Variants in RBFOX1 observed in about 807,000 individuals in gnomAD.
RBFOX1 encodes RNA binding fox-1 homolog 1.
RBFOX1 carries 8 observed loss-of-function variants against 57.7 expected under a neutral mutation model. The ratio of observed to expected loss-of-function variants is 0.14; its 90% CI spans 0.08 to 0.25. The LOEUF is 0.25. RBFOX1 is among the 10% of genes least tolerant of loss of function. RBFOX1 has a pLI of 1.00. For synonymous variants in RBFOX1, 326 were observed against 222.4 expected, an observed-to-expected ratio of 1.47 and a Z score of -4.15; for missense variants, 611 against 548.5, an observed-to-expected ratio of 1.11 and a Z score of -1.14.
chr16:6,929,464 C>T (rs930606559), intron 3 of RBFOX1, among the ~76,000 whole-genome samples: 1 of 152,128 alleles, frequency 6.6e-6, no homozygotes, highest in East Asian at 1.9e-4. Flanking sequence ...GCGTGCTTTT[C>T]TGTATTCTAA....
At chr16:5,473,398 C>G (rs1275485014) in intron 2 of RBFOX1, among the ~76,000 whole-genome samples, 3 of 151,464 alleles carry the variant, frequency 2.0e-5, no homozygotes, top group African/African-American at 7.3e-5. Flanking sequence ...TGTACTTACC[C>G]TGTTTTTTTT....
intron 4 of RBFOX1, among the ~76,000 whole-genome samples, chr16:6,009,611 G>C (rs962662695): frequency 5.9e-5 from 9 of 152,054 alleles, no homozygotes; most frequent in African/African-American, 2.2e-4. Flanking sequence ...GAGAGCTTGA[G>C]AGCACAGCAA....
At chr16:5,794,062 A>G (rs2054794451) in intron 3 of RBFOX1, among the ~76,000 whole-genome samples, 1 of 152,182 alleles carries the variant, frequency 6.6e-6, no homozygotes, top group Admixed American at 6.5e-5. Flanking sequence ...TAAGGGAATG[A>G]GCATTTGGAG....
chr16:7,019,407 TGG>T (rs762118668), intron 3 of RBFOX1, among the ~76,000 whole-genome samples: 2 of 152,084 alleles, frequency 1.3e-5, no homozygotes, highest in South Asian at 4.1e-4. Flanking sequence ...TTTGTGTGAG[TGG>T]GAGAGAGAGA....
chr16:6,498,759 A>T (rs969460724), intron 2 of RBFOX1, among the ~76,000 whole-genome samples: 3 of 152,238 alleles, frequency 2.0e-5, no homozygotes, highest in Admixed American at 6.5e-5. Context: ...TATCTATAAT[A>T]ATTGGATAAT....
At chr16:5,654,861 C>G (rs1301717298) in intron 3 of RBFOX1, among the ~76,000 whole-genome samples, 1 of 151,962 alleles carries the variant, frequency 6.6e-6, no homozygotes, top group Admixed American at 6.6e-5. Flanking sequence ...TTGTATTCCC[C>G]CCTTTATTTG....
chr16:7,122,686 C>G (rs952143794), intron 4 of RBFOX1, among the ~76,000 whole-genome samples: 1 of 152,174 alleles, frequency 6.6e-6, no homozygotes, highest in African/African-American at 2.4e-5. Flanking sequence ...TAAGTATATG[C>G]TTATCATAGA....
intron 3 of RBFOX1, among the ~76,000 whole-genome samples, chr16:5,861,324 T>C (rs1226548087): frequency 6.6e-6 from 1 of 152,152 alleles, no homozygotes; most frequent in Non-Finnish European, 1.5e-5. Flanking sequence ...CTCTAGACAA[T>C]TGAATGTGAG....
intron 4 of RBFOX1, among the ~76,000 whole-genome samples, chr16:5,958,867 C>T (rs1294666211): frequency 3.3e-5 from 5 of 152,166 alleles, no homozygotes; most frequent in Non-Finnish European, 7.3e-5. Flanking sequence ...TGGCTACCTC[C>T]TCTGGGGACC....
intron 4 of RBFOX1, among the ~76,000 whole-genome samples, chr16:7,294,922 T>A (rs924089411): frequency 4.6e-5 from 7 of 152,196 alleles, no homozygotes; most frequent in Admixed American, 1.3e-4. Flanking sequence ...ATTAGAAGGA[T>A]AAGATAGATA....
intron 2 of RBFOX1, among the ~76,000 whole-genome samples, chr16:6,478,421 A>ATTTT (rs2095314167): frequency 8.0e-5 from 1 of 12,444 alleles, no homozygotes; most frequent in Non-Finnish European, 1.6e-4. Context: ...ATATATATAT[A>ATTTT]TATATATATT....
intron 2 of RBFOX1, among the ~76,000 whole-genome samples, chr16:5,524,544 C>CT (rs35257382): frequency 0.044 from 6,105 of 139,914 alleles, 463 homozygotes; most frequent in African/African-American, 0.15. Flanking sequence ...GTAGTAGTTG[C>CT]TTTTTTTTTT....
intron 4 of RBFOX1, among the ~76,000 whole-genome samples, chr16:7,072,836 A>G (rs886673317): frequency 5.9e-5 from 9 of 152,196 alleles, no homozygotes; most frequent in Non-Finnish European, 1.3e-4. Context: ...CCTGGGAGGA[A>G]CGTCTTGAAC....
intron 2 of RBFOX1, among the ~76,000 whole-genome samples, chr16:5,561,532 A>G (rs1219662098): frequency 6.6e-6 from 1 of 152,184 alleles, no homozygotes; most frequent in Non-Finnish European, 1.5e-5. Context: ...GAAAATGTAC[A>G]AAAGAAAGCC....
chr16:5,880,886 T>C (rs898516253), intron 4 of RBFOX1, among the ~76,000 whole-genome samples: 1 of 152,248 alleles, frequency 6.6e-6, no homozygotes, highest in African/African-American at 2.4e-5. Context: ...TGTTAACACA[T>C]TGAACAAGCA....
intron 1 of RBFOX1, among the ~76,000 whole-genome samples, chr16:5,348,142 C>G (rs181670048): frequency 2.7e-3 from 402 of 151,454 alleles, no homozygotes; most frequent in Admixed American, 4.5e-3. Flanking sequence ...ATCCATCCAC[C>G]CATGTATCCA....
intron 3 of RBFOX1, among the ~76,000 whole-genome samples, chr16:6,995,269 G>C (rs2092078669): frequency 7.0e-6 from 1 of 143,342 alleles, no homozygotes; most frequent in Non-Finnish European, 1.5e-5. Context: ...ATTACAAAAT[G>C]ACTATGATCT....
chr16:5,976,647 T>A (rs543925443), intron 4 of RBFOX1, among the ~76,000 whole-genome samples: 1 of 152,222 alleles, frequency 6.6e-6, no homozygotes, highest in South Asian at 2.1e-4. Context: ...GGTAGACAGA[T>A]TACTTGAGGT....
chr16:5,454,958 C>CTTTCTTTCTTTCTTTCTTTCTTT (rs1567535928), intron 1 of RBFOX1, among the ~76,000 whole-genome samples: 1 of 30,384 alleles, frequency 3.3e-5, no homozygotes, highest in Non-Finnish European at 5.9e-5. Flanking sequence ...TTCCTTCCTT[C>CTTTCTTTCTTTCTTTCTTTCTTT]CTTTCTTTCT....
Sources: gnomAD v4.1 joint callset for allele counts (sites outside exome capture counted in the v4.1 genomes callset) on GRCh38, gnomAD v4.1.1 for gene constraint, MANE v1.5 for transcripts, NCBI Gene and HGNC (gene_info 2026-07-23, HGNC 2026-07-21) for gene names.